IQCM: variants seen among roughly 807,000 people sequenced by gnomAD.
IQCM encodes the protein IQ domain-containing protein M.
A neutral mutation model predicts 57.6 loss-of-function variants in IQCM; 45 were observed. The ratio of observed to expected loss-of-function variants is 0.78; its 90% CI spans 0.62 to 1.00. The LOEUF is 1.00. IQCM is among the 50% of genes least tolerant of loss of function. The pLI is 0.00. For missense variants in IQCM, 468 were observed against 511.6 expected (o/e 0.91, Z 0.82); for synonymous variants, 148 against 158.9 (o/e 0.93, Z 0.51).
intron 8 of IQCM, among the ~76,000 whole-genome samples, chr4:149,604,913 C>T (rs571107640): frequency 2.9e-4 from 44 of 152,244 alleles, no homozygotes; most frequent in African/African-American, 1.1e-3. Flanking sequence ...ACAGTCTGTT[C>T]ATTTTCTTAA....
intron 13 of IQCM, among the ~76,000 whole-genome samples, chr4:149,354,691 C>G (rs1164979980): frequency 3.9e-5 from 6 of 152,126 alleles, no homozygotes; most frequent in Non-Finnish European, 1.5e-5. Context: ...AGTTCATGTT[C>G]TTATACATTT....
At chr4:149,787,894 T>A (rs1772215160) in intron 2 of IQCM, among the ~76,000 whole-genome samples, 1 of 152,042 alleles carries the variant, frequency 6.6e-6, no homozygotes. Flanking sequence ...AAGAGACAAC[T>A]AGCTGAATGG....
At chr4:149,593,684 C>T (rs1296172962) in intron 8 of IQCM, among the ~76,000 whole-genome samples, 2 of 152,032 alleles carry the variant, frequency 1.3e-5, no homozygotes, top group African/African-American at 2.4e-5. Context: ...TGAATTTTGT[C>T]GATGGCCTTT....
chr4:149,433,480 C>T lies in IQCM; in HGVS notation c.1306G>A (p.Gly436Ser). 8.2e-7 allele frequency: 1 copy of T among 1,215,740 alleles called. No individual in the cohort carries two copies. Among genetic ancestry groups the T allele is most frequent in the Non-Finnish European group, 1.0e-6 (1 of 973,528 alleles). 75.3% of individuals were successfully genotyped at this position (1,215,740 alleles called of 1,614,324 possible). A position where few individuals can be genotyped will look rare whatever the true frequency, so the allele number is the denominator to read the frequency against. ...AGTGTACTGTCAGGCACATGTGCAC[C>T]TTCAGGAGGATAGAGTGTAAATAAC... ...EMLFTLYPPE[G>S]AHVPDSTLLK... Residue 436 changes from glycine (G) to serine (S), a missense_variant, in exon 13 of 14, where the codon GGT becomes AGT. By Grantham distance (56) the Gly-to-Ser change is moderately conservative. Coordinates refer to ENST00000636793, the MANE Select transcript of IQCM (RefSeq NM_001363507.2).
intron 13 of IQCM, among the ~76,000 whole-genome samples, chr4:149,393,445 A>AT (rs777407975): frequency 5.9e-5 from 9 of 151,822 alleles, no homozygotes; most frequent in East Asian, 1.9e-4. Context: ...TAACGGAAGC[A>AT]TTTTTTTAAA....
chr4:149,452,784 T>A (rs568061176), intron 12 of IQCM, among the ~76,000 whole-genome samples: 2 of 151,742 alleles, frequency 1.3e-5, no homozygotes, highest in Admixed American at 1.3e-4. Flanking sequence ...GTAAAGTTTG[T>A]TATTGTCAAC....
At chr4:149,497,744 CT>C (rs139507535) in intron 12 of IQCM, among the ~76,000 whole-genome samples, 53,084 of 141,578 alleles carry the variant, frequency 0.37, 10,601 homozygotes, top group East Asian at 0.51. Flanking sequence ...TTGTATTTCA[CT>C]TTAAAAAAAA....
At chr4:149,534,921 G>T (rs1747135729) in intron 12 of IQCM, among the ~76,000 whole-genome samples, 1 of 152,074 alleles carries the variant, frequency 6.6e-6, no homozygotes, top group African/African-American at 2.4e-5. Context: ...CCTAGTAAGA[G>T]GCTTGCTTTT....
chr4:149,677,967 T>C (rs1359877277), intron 7 of IQCM, among the ~76,000 whole-genome samples: 1 of 151,454 alleles, frequency 6.6e-6, no homozygotes, highest in South Asian at 2.1e-4. Flanking sequence ...TACAGACTAT[T>C]TGAAAATACA....
chr4:149,563,593 A>T, intron 10 of IQCM, 99 bp downstream of exon 10: 1 of 876,558 alleles, frequency 1.1e-6, no homozygotes, highest in Non-Finnish European at 1.5e-6. Flanking sequence ...TCTCCAAAAA[A>T]AAAAGTATGT....
intron 2 of IQCM, among the ~76,000 whole-genome samples, chr4:149,785,793 G>T (rs752852375): frequency 2.0e-5 from 3 of 148,748 alleles, no homozygotes; most frequent in Non-Finnish European, 1.5e-5. Context: ...ATTATTCTTT[G>T]TTTCTTTTAC....
intron 13 of IQCM, among the ~76,000 whole-genome samples, chr4:149,399,802 C>G (rs1219606218): frequency 1.3e-5 from 2 of 152,038 alleles, no homozygotes; most frequent in Admixed American, 6.6e-5. Context: ...CATGGGGTTA[C>G]TTATAAATTA....
intron 9 of IQCM, among the ~76,000 whole-genome samples, chr4:149,575,245 T>A (rs1359904355): frequency 6.6e-6 from 1 of 151,894 alleles, no homozygotes; most frequent in East Asian, 1.9e-4. Flanking sequence ...CCTAAATGAT[T>A]TCTGTTAAGT....
At chr4:149,765,103 ATTTC>A (rs1561249090) in intron 2 of IQCM, among the ~76,000 whole-genome samples, 1 of 151,980 alleles carries the variant, frequency 6.6e-6, no homozygotes, top group Non-Finnish European at 1.5e-5. Flanking sequence ...ACCAAAAAAA[ATTTC>A]TTTATGAACT....
chr4:149,656,966 G>A (rs1469043645), intron 7 of IQCM, among the ~76,000 whole-genome samples: 3 of 152,016 alleles, frequency 2.0e-5, no homozygotes, highest in Admixed American at 6.6e-5. Flanking sequence ...ATTAACAAAA[G>A]TTTTTTCCAT....
intron 5 of IQCM, among the ~76,000 whole-genome samples, chr4:149,713,440 T>C (rs943166654): frequency 6.6e-6 from 1 of 152,212 alleles, no homozygotes. Flanking sequence ...ATAATTAATG[T>C]GATGGGAGAA....
intron 11 of IQCM, among the ~76,000 whole-genome samples, chr4:149,549,573 TTC>T (rs1474981202): frequency 1.4e-5 from 2 of 145,184 alleles, no homozygotes; most frequent in African/African-American, 5.1e-5. Context: ...CATAAATAAT[TTC>T]TTTTTTTCTC....
At chr4:149,608,523 A>G (rs1754993912) in intron 8 of IQCM, among the ~76,000 whole-genome samples, 1 of 151,928 alleles carries the variant, frequency 6.6e-6, no homozygotes, top group South Asian at 2.1e-4. Context: ...GCCACAAAAC[A>G]AGTCTCAAAA....
At chr4:149,670,076 CATTTTCAAAAT>C (rs1431135759) in intron 7 of IQCM, among the ~76,000 whole-genome samples, 1 of 152,154 alleles carries the variant, frequency 6.6e-6, no homozygotes, top group African/African-American at 2.4e-5. Context: ...GCAGTAAGGC[CATTTTCAAAAT>C]ATTGTTTCTT....
Sources: gnomAD v4.1 joint callset for allele counts (sites outside exome capture counted in the v4.1 genomes callset) on GRCh38, gnomAD v4.1.1 for gene constraint, MANE v1.5 for transcripts, NCBI Gene and HGNC (gene_info 2026-07-23, HGNC 2026-07-21) for gene names.